The following STAU2 variants were observed in gnomAD, a reference collection of about 807,000 sequenced individuals.
STAU2 encodes double-stranded RNA-binding protein Staufen homolog 2.
In STAU2, 20 loss-of-function variants were observed where a neutral mutation model predicts 65.9. The observed-to-expected ratio is 0.30, with a 90% CI of 0.21 to 0.44. The LOEUF (loss-of-function observed/expected upper bound fraction) is 0.44. Ranked by LOEUF, STAU2 falls within the 20% of genes least tolerant of loss-of-function variation. The pLI is 1.00. For synonymous variants in STAU2, 232 were observed against 233.9 expected (o/e 0.99, Z 0.07); for missense variants, 558 against 683.9 (o/e 0.82, Z 2.05).
At chr8:73,593,672 A>T (rs186187169) in intron 11 of STAU2, among the ~76,000 whole-genome samples, 1 of 152,266 alleles carries the variant, frequency 6.6e-6, no homozygotes, top group East Asian at 1.9e-4. Flanking sequence ...GGTAGTCCTC[A>T]TCTAATCAGC....
chr8:73,482,432 A>G (rs1258368895), intron 13 of STAU2, among the ~76,000 whole-genome samples: 6 of 152,140 alleles, frequency 3.9e-5, no homozygotes, highest in South Asian at 2.1e-4. Flanking sequence ...ATCTCTAGGT[A>G]TGAAAGGAAT....
intron 1 of STAU2, among the ~76,000 whole-genome samples, chr8:73,745,817 T>C (rs1463241922): frequency 1.3e-5 from 2 of 152,056 alleles, no homozygotes; most frequent in Non-Finnish European, 2.9e-5. Flanking sequence ...TATTCACAAA[T>C]GCAAAATTCT....
chr8:73,471,855 GAGA>G (rs1820051064), intron 13 of STAU2, among the ~76,000 whole-genome samples: 1 of 148,982 alleles, frequency 6.7e-6, no homozygotes, highest in Non-Finnish European at 1.5e-5. Context: ...GAAGGAGAAG[GAGA>G]AGGAGAAGAA....
At chr8:73,498,017 A>C (rs1194774037) in intron 13 of STAU2, among the ~76,000 whole-genome samples, 5 of 151,844 alleles carry the variant, frequency 3.3e-5, no homozygotes, top group Admixed American at 3.3e-4. Flanking sequence ...CTGATCTCTT[A>C]ATGTCTAGCA....
intron 13 of STAU2, among the ~76,000 whole-genome samples, chr8:73,501,727 AT>A (rs766212010): frequency 1.3e-5 from 2 of 152,064 alleles, no homozygotes; most frequent in Non-Finnish European, 2.9e-5. Context: ...AAAAGAAAGT[AT>A]AAAATTCAAC....
chr8:73,699,068 T>G (rs1819894579), intron 4 of STAU2, among the ~76,000 whole-genome samples: 1 of 151,696 alleles, frequency 6.6e-6, no homozygotes, highest in South Asian at 2.1e-4. Flanking sequence ...ACATGAGAAT[T>G]AAACAATATG....
At chr8:73,435,044 TGGCAGATGTCAGC>T (rs1366831015) in intron 13 of STAU2, among the ~76,000 whole-genome samples, 1 of 128,240 alleles carries the variant, frequency 7.8e-6, no homozygotes, top group African/African-American at 4.7e-5. Context: ...CAGGAACACC[TGGCAGATGTCAGC>T]GTTATCCACA....
chr8:73,654,856 T>C (rs1341431038), intron 6 of STAU2, among the ~76,000 whole-genome samples: 1 of 151,458 alleles, frequency 6.6e-6, no homozygotes, highest in East Asian at 2.0e-4. Flanking sequence ...CCGGCTAATT[T>C]TTGTATTTTT....
chr8:73,652,584 G>T (rs1815983866), intron 6 of STAU2: 2 of 152,040 alleles, frequency 1.3e-5, no homozygotes, highest in Admixed American at 6.6e-5. Context: ...GTGCTGGCGG[G>T]CATGCTGGCA....
chr8:73,660,776 T>C (rs1029706047), intron 6 of STAU2, among the ~76,000 whole-genome samples: 1 of 152,216 alleles, frequency 6.6e-6, no homozygotes, highest in Non-Finnish European at 1.5e-5. Context: ...AATGATTCTC[T>C]GGGTAACATT....
intron 3 of STAU2, among the ~76,000 whole-genome samples, chr8:73,730,975 T>C (rs1806023981): frequency 1.3e-5 from 2 of 152,190 alleles, no homozygotes. Context: ...TAAATAGTGT[T>C]CTGGTGCAGT....
At chr8:73,620,870 T>C (rs563819254) in intron 6 of STAU2, among the ~76,000 whole-genome samples, 1 of 152,176 alleles carries the variant, frequency 6.6e-6, no homozygotes, top group Non-Finnish European at 1.5e-5. Context: ...CCTCATACCA[T>C]CATGACAATC....
At chr8:73,580,780 C>T (rs1401343987) in intron 12 of STAU2, among the ~76,000 whole-genome samples, 1 of 152,148 alleles carries the variant, frequency 6.6e-6, no homozygotes, top group Non-Finnish European at 1.5e-5. Flanking sequence ...CAGAGCTGGG[C>T]TGCCCTTATC....
At chr8:73,665,380 A>T (rs1172063549) in intron 6 of STAU2, among the ~76,000 whole-genome samples, 1 of 152,226 alleles carries the variant, frequency 6.6e-6, no homozygotes, top group African/African-American at 2.4e-5. Context: ...AAACCAAGGG[A>T]TGTAGTATAC....
intron 3 of STAU2, among the ~76,000 whole-genome samples, chr8:73,727,655 C>A (rs1805744466): frequency 1.3e-5 from 2 of 152,190 alleles, no homozygotes; most frequent in African/African-American, 2.4e-5. Flanking sequence ...TTAGCTATTG[C>A]AAATAGTAAT....
chr8:73,644,411 C>T (rs1218220974), intron 6 of STAU2, among the ~76,000 whole-genome samples: 1 of 151,158 alleles, frequency 6.6e-6, no homozygotes, highest in Non-Finnish European at 1.5e-5. Context: ...TGCCACTGCA[C>T]TCCAGCCTAG....
At chr8:73,549,452 C>A (rs921608674) in intron 13 of STAU2, 1 of 179,022 alleles carries the variant, frequency 5.6e-6, no homozygotes, top group Admixed American at 6.5e-5. Flanking sequence ...TTATTAATAA[C>A]TTTAATTGTA....
chr8:73,701,202 G>A (rs183302118), intron 4 of STAU2, among the ~76,000 whole-genome samples: 43 of 152,194 alleles, frequency 2.8e-4, no homozygotes, highest in African/African-American at 7.9e-4. Context: ...AAATTTTCAG[G>A]ATGCTGGAGT....
intron 13 of STAU2, among the ~76,000 whole-genome samples, chr8:73,427,289 G>A (rs1395201364): frequency 6.6e-6 from 1 of 152,130 alleles, no homozygotes; most frequent in Non-Finnish European, 1.5e-5. Flanking sequence ...CAGCAGCAGT[G>A]GGAGGAGGGT....
Sources: allele counts gnomAD v4.1 joint callset (sites outside exome capture counted in the v4.1 genomes callset), GRCh38; gene constraint gnomAD v4.1.1; transcripts MANE v1.5; gene names NCBI Gene and HGNC (gene_info 2026-07-23, HGNC 2026-07-21).